Variants in TDRD9 observed in about 807,000 individuals in gnomAD.
The protein encoded by TDRD9 is tudor domain containing 9, also known as ATP-dependent RNA helicase TDRD9.
A neutral mutation model predicts 172.6 loss-of-function variants in TDRD9; 124 were observed. That is an observed-to-expected ratio of 0.72 (90% confidence interval 0.62 to 0.83). TDRD9 has a LOEUF of 0.83. Among genes scored for constraint, TDRD9 ranks in the 40% least tolerant of loss-of-function variants. The pLI is 0.00. For missense variants in TDRD9, 1,479 were observed against 1,714.1 expected (o/e 0.86, Z 2.42); for synonymous variants, 619 against 617.1 (o/e 1.00, Z -0.05).
rs754228129 is a variant in TDRD9, at chr14:104,016,045, C to T, written c.2288C>T (p.Ala763Val). 6.2e-6 allele frequency: 10 copies of T among 1,603,470 alleles called. No homozygotes were observed. Among genetic ancestry groups the T allele is most frequent in the African/African-American group, 2.7e-5 (2 of 74,714 alleles). ...TTTGGACAGCCGGATGAGGAGATGG[C>T]GGTGAGGGAGCTGGCTGGCAAGGAC... The part of the protein sequence containing the change: ...FTFGQPDEEM[A>V]VRELAGKDPK... The change falls in exon 22 of 36, where the codon GCG becomes GTG. Residue 763 changes from alanine to valine, a missense_variant. By Grantham distance (64) the Ala-to-Val change is moderately conservative. Transcript: ENST00000409874.
intron 1 of TDRD9, among the ~76,000 whole-genome samples, chr14:103,933,688 G>A (rs1014814817): frequency 1.3e-5 from 2 of 151,998 alleles, no homozygotes; most frequent in Non-Finnish European, 2.9e-5. Flanking sequence ...GATTACAGGT[G>A]TGAGCCACCG....
intron 7 of TDRD9, among the ~76,000 whole-genome samples, chr14:103,981,359 G>T (rs960080299): frequency 3.3e-5 from 5 of 152,206 alleles, no homozygotes; most frequent in African/African-American, 1.2e-4. Context: ...TGAGGAGCTG[G>T]ATCAGGCCTT....
chr14:103,994,349 T>C lies in TDRD9; in HGVS notation c.1198T>C (p.Tyr400His). The stretch of plus-strand genomic sequence containing the variant: ...TTCCCTAGGTCTGGGTGAAATAAAT[T>C]ATATGCATGAACTTCTCACAAGCCT... Reference protein sequence around the residue: ...VFLPGLGEINYMHELLTSLVH... With the variant: ...VFLPGLGEINHMHELLTSLVH... Residue 400 changes from tyrosine (Y) to histidine (H), a missense_variant, in exon 10 of 36, where the codon TAT becomes CAT. By Grantham distance (83) the Tyr-to-His change is moderately conservative (BLOSUM62 2). Around this residue, in one of 3 missense-constraint regions of TDRD9, gnomAD observed 1,413 missense variants for 1,649.1 expected, o/e 0.86. Transcript: ENST00000409874. The C allele has an allele frequency of 6.2e-7, 1 of 1,613,728 alleles. No homozygotes were observed. The highest frequency in any genetic ancestry group is 8.5e-7 in the Non-Finnish European group (1 of 1,179,730).
chr14:104,051,555 G>A (rs1409823756), intron 35 of TDRD9, among the ~76,000 whole-genome samples: 1 of 152,208 alleles, frequency 6.6e-6, no homozygotes, highest in East Asian at 1.9e-4. Context: ...GCTGAACTAA[G>A]TTGTATTCCC....
intron 7 of TDRD9, among the ~76,000 whole-genome samples, chr14:103,985,726 C>G (rs1302697969): frequency 6.6e-6 from 1 of 152,150 alleles, no homozygotes; most frequent in Non-Finnish European, 1.5e-5. Context: ...TATCACCACA[C>G]ATTGGTAGAT....
chr14:104,017,813 G>C (rs1338232782), intron 22 of TDRD9, among the ~76,000 whole-genome samples: 1 of 152,192 alleles, frequency 6.6e-6, no homozygotes, highest in Non-Finnish European at 1.5e-5. Flanking sequence ...ATTATTTTAA[G>C]GGAAAACAGA....
intron 1 of TDRD9, chr14:103,941,763 T>C (rs1482289673): frequency 1.6e-6 from 2 of 1,252,962 alleles, no homozygotes. Flanking sequence ...GAGCAAATAT[T>C]TGTTTCTTTA....
In TDRD9 at chr14:104,010,818, G is replaced by A. The variant is rs147895808; in HGVS notation, c.2106+2352G>A. Among the ~76,000 whole-genome samples, 157 of 152,132 alleles carry A rather than the reference G, an allele frequency of 1.0e-3. 1 individual carries two copies. Among genetic ancestry groups the A allele is most frequent in the African/African-American group, 3.4e-3 (140 of 41,510 alleles). ...CCCTGTGGCGCCCATGTGAATAGTCGGCCTTCCATATACTCGGGCTTGCAT... is the reference window on the plus strand; with the variant it reads ...CCCTGTGGCGCCCATGTGAATAGTCAGCCTTCCATATACTCGGGCTTGCAT... On this transcript the variant is annotated intron_variant, in intron 20 of 35. Transcript: ENST00000409874.
In TDRD9 at chr14:104,032,091, T is replaced by G. The variant is rs148393162; in HGVS notation, c.3509+4T>G. 7.2e-6 allele frequency: 11 copies of G among 1,534,872 alleles called. No homozygotes were observed. The highest frequency in any genetic ancestry group is 2.4e-5 in the East Asian group (1 of 40,834). ...TGACCAGAATATCCAAATTCAGGTA[T>G]GATTAACTTAAGTTTTCCATGAATT... On this transcript the variant is annotated splice_donor_region_variant and intron_variant, in intron 30 of 35. Transcript: ENST00000409874.
intron 1 of TDRD9, among the ~76,000 whole-genome samples, chr14:103,947,628 G>A (rs2031640868): frequency 6.6e-6 from 1 of 152,116 alleles, no homozygotes; most frequent in Non-Finnish European, 1.5e-5. Context: ...TGCCTGGCCA[G>A]GACAGTCTTT....
At chr14:103,993,029 G>T (rs145878302) in intron 9 of TDRD9, among the ~76,000 whole-genome samples, 2,187 of 151,720 alleles carry the variant, frequency 0.014, 50 homozygotes, top group African/African-American at 0.05. Context: ...GGAGTACAGT[G>T]GTGTGACCCC....
chr14:104,051,130 G>A (rs1283570033), intron 35 of TDRD9, among the ~76,000 whole-genome samples: 1 of 152,076 alleles, frequency 6.6e-6, no homozygotes, highest in African/African-American at 2.4e-5. Flanking sequence ...CCCCCATCTA[G>A]TGGTCCCCGG....
chr14:103,991,054 C>T, intron 8 of TDRD9, 106 bp from the exon 9 acceptor site: 1 of 1,302,516 alleles, frequency 7.7e-7, no homozygotes, highest in East Asian at 2.4e-5. Flanking sequence ...CATTGGATGA[C>T]CTGTAAGAGC....
intron 23 of TDRD9, 72 bp from the exon 24 acceptor site, chr14:104,022,085 G>A: frequency 8.1e-7 from 1 of 1,234,462 alleles, no homozygotes; most frequent in Non-Finnish European, 1.1e-6. Flanking sequence ...TTTCTGTCTT[G>A]AGAGAAATGA....
intron 15 of TDRD9, among the ~76,000 whole-genome samples, chr14:104,005,897 C>T (rs2034423209): frequency 6.6e-6 from 1 of 152,206 alleles, no homozygotes; most frequent in South Asian, 2.1e-4. Context: ...ACTGCAGCCT[C>T]AAACACTGGG....
At chr14:103,960,446 A>G (rs1595917627) in intron 2 of TDRD9, among the ~76,000 whole-genome samples, 1 of 152,268 alleles carries the variant, frequency 6.6e-6, no homozygotes, top group African/African-American at 2.4e-5. Flanking sequence ...AAGAGACAGC[A>G]AGAAAATAAG....
intron 6 of TDRD9, among the ~76,000 whole-genome samples, chr14:103,973,047 A>G (rs2033098824): frequency 6.6e-6 from 1 of 152,208 alleles, no homozygotes; most frequent in Non-Finnish European, 1.5e-5. Flanking sequence ...AGAGTTAGAC[A>G]AGTGTTAGTG....
intron 24 of TDRD9, among the ~76,000 whole-genome samples, 170 bp downstream of exon 24, chr14:104,022,500 G>C (rs950979865): frequency 6.6e-6 from 1 of 152,204 alleles, no homozygotes; most frequent in Non-Finnish European, 1.5e-5. Flanking sequence ...GCCGAGGCAG[G>C]CAGATCACTT....
intron 1 of TDRD9, among the ~76,000 whole-genome samples, chr14:103,952,153 CGTGTATATAT>C (rs1161535291): frequency 2.5e-4 from 24 of 96,152 alleles, no homozygotes; most frequent in African/African-American, 7.0e-4. Flanking sequence ...TATGTATATA[CGTGTATATAT>C]GTGTATATAT....
Sources: allele counts gnomAD v4.1 joint callset (sites outside exome capture counted in the v4.1 genomes callset), GRCh38; gene constraint gnomAD v4.1.1; regional missense constraint gnomAD v4.1.1; transcripts MANE v1.5; gene names NCBI Gene and HGNC (gene_info 2026-07-23, HGNC 2026-07-21).